The following ABCF2 variants were observed in gnomAD, a reference collection of about 807,000 sequenced individuals.
ABCF2 encodes ATP-binding cassette sub-family F member 2.
Under a neutral mutation model 76.9 loss-of-function variants are expected in ABCF2, and 37 were observed. That is an observed-to-expected ratio of 0.48 (90% confidence interval 0.37 to 0.63). ABCF2 has a LOEUF of 0.63. ABCF2 is among the 30% of genes least tolerant of loss of function. The pLI is 0.00. For synonymous variants in ABCF2, 299 were observed against 283.7 expected (o/e 1.05, Z -0.54); for missense variants, 524 against 782.1 (o/e 0.67, Z 3.94).
chr7:151,216,328 T>G (rs1014279658), intron 11 of ABCF2, among the ~76,000 whole-genome samples: 5 of 152,184 alleles, frequency 3.3e-5, no homozygotes, highest in African/African-American at 1.2e-4. Context: ...TTTCTAAAAT[T>G]AAAAACAGTT....
chr7:151,215,564 C>T lies in ABCF2; in HGVS notation c.1530+40G>A, dbSNP rs201845129. The T allele has an allele frequency of 1.7e-4, 277 of 1,610,632 alleles. No homozygotes were observed. The African/African-American group carries it at 3.2e-3, about 19-fold the overall frequency. On this transcript the variant is annotated intron_variant, in intron 13 of 14. Transcript: ENST00000287844. The surrounding 1 kb of genome is among the most constrained non-coding windows in gnomAD (Gnocchi z 4.6). ...CCCTGACCCACCCAGCCACAGTCTG[C>T]CAGCTATCTGGCATCCTCACCACAC...
chr7:151,226,444 C>T lies in ABCF2; in HGVS notation c.15G>A (p.Leu5=), dbSNP rs1802373543. Residue 5 remains leucine (L), a synonymous_variant, in exon 2 of 15, where the codon CTG becomes CTA. Transcript: ENST00000287844. ...TCTTTTTGGCTGCCTTCTTCTTGGCCAGGTCGGAGGGCATGATGATGACCC... is the reference window on the plus strand; with the variant it reads ...TCTTTTTGGCTGCCTTCTTCTTGGCTAGGTCGGAGGGCATGATGATGACCC... MPSD[L]AKKKAAKKKE... 6.2e-6 allele frequency: 10 copies of T among 1,614,038 alleles called. No homozygotes were observed. The highest frequency in any genetic ancestry group is 7.6e-6 in the Non-Finnish European group (9 of 1,179,986).
chr7:151,212,878 A>T lies in ABCF2; in HGVS notation c.*1176T>A, dbSNP rs190801649. On this transcript the variant is annotated 3_prime_UTR_variant, in exon 15 of 15. Coordinates refer to ENST00000287844, the MANE Select transcript of ABCF2 (RefSeq NM_007189.3). ...CAGTGGTGCAATCTCAGCTCACTGC[A>T]ACCTCCACCTCCTGGGCTCAAGCGA... 92 of 166,508 alleles carry T rather than the reference A, an allele frequency of 5.5e-4. No homozygotes were observed. The highest frequency in any genetic ancestry group is 2.1e-3 in the African/African-American group (89 of 41,748). 10.3% of individuals were successfully genotyped at this position (166,508 alleles called of 1,614,324 possible).
chr7:151,217,935 G>T, intron 11 of ABCF2, 146 bp downstream of exon 11: 1 of 623,640 alleles, frequency 1.6e-6, no homozygotes, highest in Non-Finnish European at 2.9e-6. Flanking sequence ...CCCCTCTCCT[G>T]GCTGCTGCTC....
At chr7:151,216,857 G>T (rs1028270462) in intron 11 of ABCF2, among the ~76,000 whole-genome samples, 3 of 152,114 alleles carry the variant, frequency 2.0e-5, no homozygotes, top group African/African-American at 7.2e-5. Context: ...AAATACATGT[G>T]AGCTATACAT....
Position 151,212,926 on chromosome 7 carries a change from G to A in ABCF2, c.*1128C>T, listed in dbSNP as rs149301113. The A allele has an allele frequency of 2.0e-3, 558 of 274,324 alleles. 8 individuals carry two copies. The highest frequency in any genetic ancestry group is 0.012 in the African/African-American group (508 of 43,688). The allele number at this position is 274,324 out of a possible 1,614,324, so 17.0% of individuals were successfully genotyped here. ...CGATCCATCCACCCTAGCCACCTGAGCAGGTGGGATTCCAGGCACATAAAG... is the reference window on the plus strand; with the variant it reads ...CGATCCATCCACCCTAGCCACCTGAACAGGTGGGATTCCAGGCACATAAAG... On this transcript the variant is annotated 3_prime_UTR_variant, in exon 15 of 15. Transcript: ENST00000287844.
chr7:151,221,340 C>T (rs1327745870), intron 7 of ABCF2, among the ~76,000 whole-genome samples: 1 of 152,036 alleles, frequency 6.6e-6, no homozygotes, highest in African/African-American at 2.4e-5. Flanking sequence ...GCTGGGACTA[C>T]AGGCACCTGC....
At position 151,212,387 on chromosome 7, in the gene ABCF2, A is replaced by G. The variant is rs1218619481; in HGVS notation, c.*1667T>C. The G allele has an allele frequency of 2.0e-6, 2 of 985,386 alleles. No homozygotes were observed. Among genetic ancestry groups the G allele is most frequent in the Non-Finnish European group, 2.4e-6 (2 of 829,958 alleles). 61.0% of individuals were successfully genotyped at this position (985,386 alleles called of 1,614,324 possible). On this transcript the variant is annotated 3_prime_UTR_variant, in exon 15 of 15. Transcript: ENST00000287844. ...AAAATACAAAATTTCCTGTATCCCA[A>G]TAGGAAGAGAGGTTCACAGACGTTG...
chr7:151,226,469 C>T lies in ABCF2; in HGVS notation c.-11G>A. ...CAGGTCGGAGGGCATGATGATGACCCACAGGGGTAGGTTACTGTTGTTTCA... is the reference window on the plus strand; with the variant it reads ...CAGGTCGGAGGGCATGATGATGACCTACAGGGGTAGGTTACTGTTGTTTCA... On this transcript the variant is annotated 5_prime_UTR_variant, in exon 2 of 15. Transcript: ENST00000287844. 6.2e-7 allele frequency: 1 copy of T among 1,612,732 alleles called. No individual in the cohort carries two copies. The highest frequency in any genetic ancestry group is 8.5e-7 in the Non-Finnish European group (1 of 1,179,514).
Position 151,215,788 on chromosome 7 carries a change from C to A in ABCF2, c.1402-56G>T, listed in dbSNP as rs1218895187. ...GACTGGCATCCCGCTTCAAAATAAA[C>A]CCTACTAGGTAACTTCCTATTTCTA... On this transcript the variant is annotated intron_variant, in intron 12 of 14. Transcript: ENST00000287844. The surrounding 1 kb of genome is among the most constrained non-coding windows in gnomAD (Gnocchi z 4.6). 4 of 1,612,876 alleles carry A rather than the reference C, an allele frequency of 2.5e-6. No individual in the cohort carries two copies. Among genetic ancestry groups the A allele is most frequent in the South Asian group, 1.1e-5 (1 of 90,956 alleles).
In ABCF2 at chr7:151,221,689, C is replaced by G; in HGVS notation, c.819-9G>C. The G allele has an allele frequency of 6.3e-7, 1 of 1,585,602 alleles. No homozygotes were observed. The highest frequency in any genetic ancestry group is 8.7e-7 in the Non-Finnish European group (1 of 1,154,254). On this transcript the variant is annotated splice_polypyrimidine_tract_variant and intron_variant, in intron 6 of 14. Coordinates refer to ENST00000287844, the MANE Select transcript of ABCF2 (RefSeq NM_007189.3). Reference sequence around the variant, plus strand: ...CCAAGATGCGCTTAAAACTGTAAAGCCAAAGAACCAATTAGTGAAGAGCTC... The same window carrying G: ...CCAAGATGCGCTTAAAACTGTAAAGGCAAAGAACCAATTAGTGAAGAGCTC...
chr7:151,222,104 T>A (rs73478700), intron 6 of ABCF2: 2,077 of 184,082 alleles, frequency 0.011, 50 homozygotes, highest in African/African-American at 0.046. Context: ...TCTTTTAAAA[T>A]TGGTACAATA....
At chr7:151,219,816 T>C (rs1440769063) in intron 7 of ABCF2, among the ~76,000 whole-genome samples, 3 of 152,252 alleles carry the variant, frequency 2.0e-5, no homozygotes, top group Admixed American at 2.0e-4. Flanking sequence ...ATTGTAACTG[T>C]GGCCAGGTGC....
rs199947387 is a variant in ABCF2, at chr7:151,215,725, T to C, written c.1409A>G (p.Gln470Arg). ...VKIGRYHQHL[Q>R]EQLDLDLSPL... ...TGAGAGATCTAAGTCCAGCTGCTCTTGTAAATGCTACAGGAAAAATGGAAG... is the reference window on the plus strand; with the variant it reads ...TGAGAGATCTAAGTCCAGCTGCTCTCGTAAATGCTACAGGAAAAATGGAAG... Residue 470 changes from glutamine to arginine, a missense_variant, in exon 13 of 15, where the codon CAA becomes CGA. Transcript: ENST00000287844. The surrounding 1 kb of genome is among the most constrained non-coding windows in gnomAD (Gnocchi z 4.6). 1.9e-6 allele frequency: 3 copies of C among 1,614,212 alleles called. No individual in the cohort carries two copies. The highest frequency in any genetic ancestry group is 2.5e-6 in the Non-Finnish European group (3 of 1,180,040).
At position 151,213,226 on chromosome 7, in the gene ABCF2, C is replaced by G. The variant is rs1156715006; in HGVS notation, c.*828G>C. On this transcript the variant is annotated 3_prime_UTR_variant, in exon 15 of 15. Coordinates refer to ENST00000287844, the MANE Select transcript of ABCF2 (RefSeq NM_007189.3). ...AGAAATGTTAACGTTCTTGGTCTCC[C>G]CCAAAACCTATTGAACCAGAAACGC... 1 of 980,132 alleles carries G rather than the reference C, an allele frequency of 1.0e-6. No homozygotes were observed. The highest frequency in any genetic ancestry group is 1.2e-6 in the Non-Finnish European group (1 of 825,290). The allele number at this position is 980,132 out of a possible 1,614,324, so 60.7% of individuals were successfully genotyped here.
Position 151,212,423 on chromosome 7 carries a change from G to A in ABCF2, c.*1631C>T. 3.0e-6 allele frequency: 3 copies of A among 985,464 alleles called. No homozygotes were observed. Among genetic ancestry groups the A allele is most frequent in the Non-Finnish European group, 3.6e-6 (3 of 829,940 alleles). 61.0% of individuals were successfully genotyped at this position (985,464 alleles called of 1,614,324 possible). ...GGTTCACAGACGTTGGTGTGAAAAT[G>A]CAAACTCCTGGCCATCTCTGCACCT... On this transcript the variant is annotated 3_prime_UTR_variant, in exon 15 of 15. Coordinates refer to ENST00000287844, the MANE Select transcript of ABCF2 (RefSeq NM_007189.3).
Position 151,216,021 on chromosome 7 carries a change from G to A in ABCF2, c.1347C>T (p.Pro449=). 3.7e-6 allele frequency: 6 copies of A among 1,614,076 alleles called. No homozygotes were observed. Among genetic ancestry groups the A allele is most frequent in the Non-Finnish European group, 5.1e-6 (6 of 1,179,958 alleles). The change falls in exon 12 of 15, where the codon CCC becomes CCT. Residue 449 remains proline (P), a synonymous_variant. Coordinates refer to ENST00000287844, the MANE Select transcript of ABCF2 (RefSeq NM_007189.3). ...AGTGTTTTCGGATCATGCCATCTGTGGGTAGTAGCTAGGAAGAAAAAAGTA... is the reference window on the plus strand; with the variant it reads ...AGTGTTTTCGGATCATGCCATCTGTAGGTAGTAGCTAGGAAGAAAAAAGTA... ...LLKLLTGELL[P]TDGMIRKHSH... is the part of the protein sequence containing the mutation.
At position 151,212,300 on chromosome 7, in the gene ABCF2, A is replaced by G. The variant is rs1458700597; in HGVS notation, c.*1754T>C. On this transcript the variant is annotated 3_prime_UTR_variant, in exon 15 of 15. Coordinates refer to ENST00000287844, the MANE Select transcript of ABCF2 (RefSeq NM_007189.3). The stretch of plus-strand genomic sequence containing the variant: ...GAAGTTCAAAAGACCCAGATAAGGT[A>G]TGCAGAGCCCTGGGCTGGAAGTGAA... The G allele has an allele frequency of 2.0e-6, 2 of 985,040 alleles. No homozygotes were observed. Among genetic ancestry groups the G allele is most frequent in the Non-Finnish European group, 2.4e-6 (2 of 829,934 alleles). 61.0% of individuals were successfully genotyped at this position (985,040 alleles called of 1,614,324 possible). A position where few individuals can be genotyped will look rare whatever the true frequency, so the allele number is the denominator to read the frequency against.
chr7:151,214,286 G>GC lies in ABCF2; in HGVS notation c.1735-96dup, dbSNP rs1263485271. The GC allele has an allele frequency of 1.8e-5, 29 of 1,576,010 alleles. No individual in the cohort carries two copies. The South Asian group carries it at 2.4e-4, about 13-fold the overall frequency. ...GAGGGGCGTCTAGGAAGAAAACTCC[G>GC]CCCCCCAAACCCATATCCAACTCAC... On this transcript the variant is annotated intron_variant, in intron 14 of 14. Coordinates refer to ENST00000287844, the MANE Select transcript of ABCF2 (RefSeq NM_007189.3). This position sits in a 1 kb window ranked among gnomAD's most constrained non-coding sequence, Gnocchi z 4.9.
Sources: gnomAD v4.1 joint callset for allele counts (sites outside exome capture counted in the v4.1 genomes callset) on GRCh38, gnomAD v4.1.1 for gene constraint, Gnocchi (gnomAD v3.1) non-coding constraint, MANE v1.5 for transcripts, NCBI Gene and HGNC (gene_info 2026-07-23, HGNC 2026-07-21) for gene names.